The following NOL4 variants were observed in gnomAD, a reference collection of about 807,000 sequenced individuals.
NOL4 encodes nucleolar protein 4.
In NOL4, 17 loss-of-function variants were observed where a neutral mutation model predicts 75.9. The ratio of observed to expected loss-of-function variants is 0.22; its 90% CI spans 0.15 to 0.34. NOL4 has a LOEUF of 0.34. NOL4 is among the 10% of genes least tolerant of loss of function. The pLI is 1.00. For synonymous variants in NOL4, 292 were observed against 289.9 expected, an observed-to-expected ratio of 1.01 and a Z score of -0.07; for missense variants, 614 against 793.5, an observed-to-expected ratio of 0.77 and a Z score of 2.72.
At chr18:34,028,160 C>A (rs1027474239) in intron 5 of NOL4, among the ~76,000 whole-genome samples, 2 of 152,150 alleles carry the variant, frequency 1.3e-5, no homozygotes, top group African/African-American at 4.8e-5. Context: ...CCCCCCCAAC[C>A]CCATTCCATG....
chr18:33,943,869 A>G (rs771374168), intron 8 of NOL4, among the ~76,000 whole-genome samples: 3 of 151,886 alleles, frequency 2.0e-5, no homozygotes, highest in Non-Finnish European at 4.4e-5. Context: ...TAGCCCACAT[A>G]GAAAGAATTA....
At chr18:34,024,181 GAAA>G (rs200128545) in intron 5 of NOL4, among the ~76,000 whole-genome samples, 927 of 86,916 alleles carry the variant, frequency 0.011, 76 homozygotes, top group African/African-American at 0.033. Flanking sequence ...AAATAAACAG[GAAA>G]AAAAAAAAAA....
chr18:33,938,526 T>C (rs1486767121), intron 9 of NOL4, among the ~76,000 whole-genome samples: 1 of 152,186 alleles, frequency 6.6e-6, no homozygotes, highest in Non-Finnish European at 1.5e-5. Context: ...ATTTCTCTAA[T>C]GAGCAGTGAC....
intron 10 of NOL4, among the ~76,000 whole-genome samples, chr18:33,858,138 C>T (rs1227177683): frequency 6.6e-6 from 1 of 152,060 alleles, no homozygotes; most frequent in East Asian, 1.9e-4. Context: ...TTTCCTCAAG[C>T]TTTCAAGCAC....
intron 1 of NOL4, among the ~76,000 whole-genome samples, chr18:34,173,038 T>G (rs1449390016): frequency 2.0e-5 from 3 of 152,048 alleles, no homozygotes; most frequent in African/African-American, 7.2e-5. Flanking sequence ...TGTTTTTGCT[T>G]TTTTTGCCTG....
At chr18:33,927,048 T>G (rs183496063) in intron 9 of NOL4, among the ~76,000 whole-genome samples, 2 of 152,324 alleles carry the variant, frequency 1.3e-5, no homozygotes, top group Non-Finnish European at 2.9e-5. Flanking sequence ...AAATGTCACT[T>G]ACATTTTCAT....
chr18:33,963,574 A>G (rs182553248), intron 6 of NOL4, among the ~76,000 whole-genome samples: 137 of 152,302 alleles, frequency 9.0e-4, no homozygotes, highest in African/African-American at 3.1e-3. Context: ...ACTAAAATAA[A>G]GATCCAAAGT....
At chr18:33,867,694 A>G (rs529941018) in intron 10 of NOL4, among the ~76,000 whole-genome samples, 4 of 151,912 alleles carry the variant, frequency 2.6e-5, no homozygotes, top group Non-Finnish European at 5.9e-5. Flanking sequence ...CCATATATAT[A>G]TAGAATTGGC....
At chr18:33,869,020 CT>C (rs2144447658) in intron 10 of NOL4, among the ~76,000 whole-genome samples, 2 of 151,888 alleles carry the variant, frequency 1.3e-5, no homozygotes, top group South Asian at 4.2e-4. Flanking sequence ...AAATGGTCCT[CT>C]TTTTGGCAAT....
chr18:33,893,213 C>CA (rs1486545016), intron 9 of NOL4, among the ~76,000 whole-genome samples: 7 of 151,624 alleles, frequency 4.6e-5, no homozygotes, highest in East Asian at 1.9e-4. Context: ...TTCATATATC[C>CA]AAAAAAAGGG....
At chr18:34,135,722 C>T (rs1474260330) in intron 1 of NOL4, among the ~76,000 whole-genome samples, 1 of 136,100 alleles carries the variant, frequency 7.3e-6, no homozygotes, top group African/African-American at 2.8e-5. Flanking sequence ...GCTTTTCACA[C>T]ACAGAAGCAG....
intron 9 of NOL4, among the ~76,000 whole-genome samples, chr18:33,885,227 C>A (rs1444452917): frequency 6.6e-6 from 1 of 152,000 alleles, no homozygotes; most frequent in Non-Finnish European, 1.5e-5. Context: ...GGTGTATGAA[C>A]TAGAATGTCT....
chr18:34,180,189 AC>A (rs2146324662), intron 1 of NOL4, among the ~76,000 whole-genome samples: 1 of 151,628 alleles, frequency 6.6e-6, no homozygotes, highest in South Asian at 2.1e-4. Flanking sequence ...TCACAGGAAA[AC>A]AAAATTACAG....
intron 6 of NOL4, among the ~76,000 whole-genome samples, chr18:33,968,034 C>T (rs1469780780): frequency 4.0e-5 from 6 of 151,874 alleles, no homozygotes; most frequent in East Asian, 1.9e-4. Flanking sequence ...TGCAGTGAGC[C>T]GAGATCGTGC....
intron 2 of NOL4, among the ~76,000 whole-genome samples, chr18:34,123,609 CT>C (rs1407619983): frequency 7.0e-6 from 1 of 142,938 alleles, no homozygotes; most frequent in African/African-American, 2.6e-5. Flanking sequence ...AGATCTACAT[CT>C]TTCTATATTT....
intron 9 of NOL4, among the ~76,000 whole-genome samples, chr18:33,923,001 G>T (rs2067128110): frequency 6.6e-6 from 1 of 151,908 alleles, no homozygotes; most frequent in African/African-American, 2.4e-5. Flanking sequence ...ACAAGCTTTA[G>T]GCATAAAAGC....
At chr18:34,049,555 T>A (rs1377076149) in intron 5 of NOL4, among the ~76,000 whole-genome samples, 2 of 151,984 alleles carry the variant, frequency 1.3e-5, no homozygotes, top group African/African-American at 4.8e-5. Flanking sequence ...CAGGAAAAGT[T>A]TTCCCCTCCC....
At chr18:33,982,387 T>A (rs1415827894) in intron 6 of NOL4, among the ~76,000 whole-genome samples, 2 of 152,140 alleles carry the variant, frequency 1.3e-5, no homozygotes, top group Non-Finnish European at 2.9e-5. Flanking sequence ...ATGCTAATAC[T>A]AATCAAGAAT....
At chr18:33,952,936 A>G (rs2069350155) in intron 8 of NOL4, among the ~76,000 whole-genome samples, 1 of 152,186 alleles carries the variant, frequency 6.6e-6, no homozygotes, top group Admixed American at 6.5e-5. Flanking sequence ...AAAAAACAAA[A>G]TGTTCTAACA....
Sources: gnomAD v4.1 joint callset for allele counts (sites outside exome capture counted in the v4.1 genomes callset) on GRCh38, gnomAD v4.1.1 for gene constraint, MANE v1.5 for transcripts, NCBI Gene and HGNC (gene_info 2026-07-23, HGNC 2026-07-21) for gene names.